Variants in DAB2 observed in about 807,000 individuals in gnomAD.
The protein encoded by DAB2 is disabled homolog 2.
Under a neutral mutation model 71.6 loss-of-function variants are expected in DAB2, and 28 were observed. That is an observed-to-expected ratio of 0.39 (90% confidence interval 0.29 to 0.54). DAB2 has a LOEUF of 0.54. Among genes scored for constraint, DAB2 ranks in the 20% least tolerant of loss-of-function variants. The pLI is 0.68. For missense variants in DAB2, 867 were observed against 928.8 expected (o/e 0.93, Z 0.86); for synonymous variants, 345 against 339.7 (o/e 1.02, Z -0.17).
intron 9 of DAB2, chr5:39,385,571 A>T (rs761016372): frequency 6.6e-6 from 1 of 152,224 alleles, no homozygotes; most frequent in Non-Finnish European, 1.5e-5. Context: ...TCTTTGTCGA[A>T]CTGTCAACAC....
At chr5:39,396,075 T>G (rs1201635502) in intron 1 of DAB2, among the ~76,000 whole-genome samples, 1 of 150,962 alleles carries the variant, frequency 6.6e-6, no homozygotes, top group Non-Finnish European at 1.5e-5. Context: ...CCTGAGTAGC[T>G]GGGATTGGGA....
rs759262964 is a variant in DAB2 at position 39,382,900 on chromosome 5, C to T, written c.1059G>A (p.Arg353=). The T allele has an allele frequency of 6.2e-7, 1 of 1,614,138 alleles. No individual in the cohort carries two copies. Among genetic ancestry groups the T allele is most frequent in the Non-Finnish European group, 8.5e-7 (1 of 1,180,022 alleles). ...FGQQFDQISN[R]TGKQEAQAGP... Reference sequence around the variant, plus strand: ...CTGCCTGAGCTTCCTGTTTGCCAGTCCGGTTAGAGATCTGGTCAAATTGCT... The same window carrying T: ...CTGCCTGAGCTTCCTGTTTGCCAGTTCGGTTAGAGATCTGGTCAAATTGCT... Residue 353 remains arginine (R), a synonymous_variant, in exon 10 of 15, where the codon CGG becomes CGA. Coordinates refer to ENST00000320816, the MANE Select transcript of DAB2 (RefSeq NM_001343.4).
chr5:39,397,432 G>A (rs572362189), intron 1 of DAB2, among the ~76,000 whole-genome samples: 3 of 152,228 alleles, frequency 2.0e-5, no homozygotes, highest in South Asian at 4.1e-4. Context: ...GGTGGTAGCT[G>A]CTTTCTGTAG....
intron 1 of DAB2, among the ~76,000 whole-genome samples, chr5:39,416,277 C>T (rs991993636): frequency 6.6e-6 from 1 of 152,070 alleles, no homozygotes; most frequent in Non-Finnish European, 1.5e-5. Context: ...AAACAAACAA[C>T]TCTTTATGGG....
At chr5:39,424,166 T>C (rs1169060384) in intron 1 of DAB2, among the ~76,000 whole-genome samples, 1 of 152,066 alleles carries the variant, frequency 6.6e-6, no homozygotes, top group African/African-American at 2.4e-5. Flanking sequence ...TTAGAATTCT[T>C]ACTTAATCTT....
At position 39,389,740 on chromosome 5, in the gene DAB2, G is replaced by C. The variant is rs567607816; in HGVS notation, c.543+112C>G. Reference sequence around the variant, plus strand: ...TTGGCCAGGCTGGTCTCGAACTCCTGACCTCAGGTGATCCACCCACCTCTG... The same window carrying C: ...TTGGCCAGGCTGGTCTCGAACTCCTCACCTCAGGTGATCCACCCACCTCTG... On this transcript the variant is annotated intron_variant, in intron 6 of 14. Coordinates refer to ENST00000320816, the MANE Select transcript of DAB2 (RefSeq NM_001343.4). 4 of 622,170 alleles carry C rather than the reference G, an allele frequency of 6.4e-6. No individual in the cohort carries two copies. The South Asian group carries it at 7.5e-5, about 12-fold the overall frequency. The allele number at this position is 622,170 out of a possible 1,614,324, so 38.5% of individuals were successfully genotyped here.
chr5:39,388,935 G>T, intron 7 of DAB2, 83 bp from the exon 8 acceptor site: 1 of 1,353,008 alleles, frequency 7.4e-7, no homozygotes, highest in Non-Finnish European at 1.1e-6. Context: ...CTGCTAAGCA[G>T]CAATGGTTTT....
intron 1 of DAB2, among the ~76,000 whole-genome samples, chr5:39,406,850 TA>T (rs1160142798): frequency 1.3e-5 from 2 of 152,000 alleles, no homozygotes; most frequent in African/African-American, 2.4e-5. Context: ...GTTTTAATAT[TA>T]AAAAAAACTA....
At chr5:39,392,614 A>G (rs541744891) in intron 3 of DAB2, 151 bp from the exon 4 acceptor site, 10 of 628,508 alleles carry the variant, frequency 1.6e-5, no homozygotes, top group Non-Finnish European at 2.8e-5. Context: ...GGACAGCAAG[A>G]CGGCATAGAA....
chr5:39,396,762 T>C (rs1285167922), intron 1 of DAB2, among the ~76,000 whole-genome samples: 1 of 152,134 alleles, frequency 6.6e-6, no homozygotes, highest in Non-Finnish European at 1.5e-5. Flanking sequence ...AGCTTCCCAG[T>C]TTGGGGAGAG....
chr5:39,374,700 G>T lies in DAB2; in HGVS notation c.*5+314C>A, dbSNP rs1189757504. The T allele has an allele frequency of 6.0e-5, 16 of 264,674 alleles. No individual in the cohort carries two copies. The East Asian group carries it at 1.7e-3, about 28-fold the overall frequency. The allele number at this position is 264,674 out of a possible 1,614,324, so 16.4% of individuals were successfully genotyped here. A position where few individuals can be genotyped will look rare whatever the true frequency, so the allele number is the denominator to read the frequency against. ...AACCACTTCAATATGAAAGTAAAAAGGTTAGAAACCTGTGATGTGTTGTTT... is the reference window on the plus strand; with the variant it reads ...AACCACTTCAATATGAAAGTAAAAATGTTAGAAACCTGTGATGTGTTGTTT... On this transcript the variant is annotated intron_variant, in intron 14 of 14. Transcript: ENST00000320816.
intron 1 of DAB2, among the ~76,000 whole-genome samples, chr5:39,423,231 G>C (rs1318218002): frequency 5.3e-5 from 3 of 57,042 alleles, no homozygotes; most frequent in Admixed American, 5.0e-4. Context: ...GCCTTAGGAG[G>C]AAACTGACTA....
In DAB2 at chr5:39,393,259, G is replaced by A. The variant is rs1174371661; in HGVS notation, c.226C>T (p.Leu76=). 6.2e-7 allele frequency: 1 copy of A among 1,613,628 alleles called. No individual in the cohort carries two copies. The highest frequency in any genetic ancestry group is 8.5e-7 in the Non-Finnish European group (1 of 1,179,782). The part of the protein sequence containing the change: ...DKMSQDSMMK[L]KGMAAAGRSQ... ...AGCATTCATTTCCCTTTTACCTTTAGTTTCATCATAGAGTCTTGGCTCATT... is the reference window on the plus strand; with the variant it reads ...AGCATTCATTTCCCTTTTACCTTTAATTTCATCATAGAGTCTTGGCTCATT... Residue 76 remains leucine, a synonymous_variant, in exon 3 of 15, where the codon CTA becomes TTA. Transcript: ENST00000320816.
At chr5:39,382,529 G>A (rs1239733171) in intron 10 of DAB2, 89 bp downstream of exon 10, 14 of 1,357,004 alleles carry the variant, frequency 1.0e-5, no homozygotes, top group East Asian at 9.3e-5. Context: ...AGGAAACTAC[G>A]AGAGCAGCAG....
intron 9 of DAB2, among the ~76,000 whole-genome samples, chr5:39,386,952 C>T (rs1755110626): frequency 1.3e-5 from 2 of 152,144 alleles, no homozygotes; most frequent in African/African-American, 4.8e-5. Context: ...AGTTTATCCT[C>T]AGAACTATAA....
At chr5:39,409,900 T>G (rs1021491760) in intron 1 of DAB2, among the ~76,000 whole-genome samples, 1 of 152,178 alleles carries the variant, frequency 6.6e-6, no homozygotes, top group African/African-American at 2.4e-5. Flanking sequence ...TAAGACTTCT[T>G]AGGAAGGAAT....
chr5:39,395,130 C>G (rs1755328609), intron 1 of DAB2, among the ~76,000 whole-genome samples: 1 of 152,190 alleles, frequency 6.6e-6, no homozygotes, highest in South Asian at 2.1e-4. Flanking sequence ...GCCCTACCCA[C>G]AATGTATCAT....
intron 1 of DAB2, among the ~76,000 whole-genome samples, chr5:39,423,124 C>A (rs1756027300): frequency 6.6e-6 from 1 of 152,112 alleles, no homozygotes; most frequent in Admixed American, 6.5e-5. Context: ...TGACTGGTTT[C>A]TAGGTCAGTC....
At position 39,373,288 on chromosome 5, in the gene DAB2, G is replaced by C. The variant is rs1038883409; in HGVS notation, c.*143C>G. On this transcript the variant is annotated 3_prime_UTR_variant, in exon 15 of 15. Coordinates refer to ENST00000320816, the MANE Select transcript of DAB2 (RefSeq NM_001343.4). Reference sequence around the variant, plus strand: ...GAAAAGCATTTTACAAGTAGAAGAGGCAATGAGAAATAAGGCAACAGATAA... The same window carrying C: ...GAAAAGCATTTTACAAGTAGAAGAGCCAATGAGAAATAAGGCAACAGATAA... 1 of 152,316 alleles carries C rather than the reference G, an allele frequency of 6.6e-6. No homozygotes were observed. The highest frequency in any genetic ancestry group is 1.5e-5 in the Non-Finnish European group (1 of 67,994). The allele number at this position is 152,316 out of a possible 1,614,324, so 9.4% of individuals were successfully genotyped here. A position where few individuals can be genotyped will look rare whatever the true frequency, so the allele number is the denominator to read the frequency against.
Sources: allele counts gnomAD v4.1 joint callset (sites outside exome capture counted in the v4.1 genomes callset), GRCh38; gene constraint gnomAD v4.1.1; transcripts MANE v1.5; gene names NCBI Gene and HGNC (gene_info 2026-07-23, HGNC 2026-07-21).